SLC4A4: variants seen among roughly 807,000 people sequenced by gnomAD.
SLC4A4 encodes the protein solute carrier family 4 member 4, also known as electrogenic sodium bicarbonate cotransporter 1.
In SLC4A4, 27 loss-of-function variants were observed where a neutral mutation model predicts 111.5. The observed-to-expected ratio is 0.24, with a 90% CI of 0.18 to 0.33. The LOEUF is 0.33. SLC4A4 is among the 10% of genes least tolerant of loss of function. SLC4A4 has a pLI of 1.00. For missense variants in SLC4A4, 909 were observed against 1,315.5 expected (o/e 0.69, Z 4.78); for synonymous variants, 443 against 463.4 (o/e 0.96, Z 0.57).
In SLC4A4 at chr4:71,385,064, A is replaced by T. The variant is rs563440861; in HGVS notation, c.731-12513A>T. 1.5e-3 allele frequency among the ~76,000 whole-genome samples: 224 copies of T among 150,942 alleles called. 1 individual carries two copies. The highest frequency in any genetic ancestry group is 1.9e-3 in the Non-Finnish European group (127 of 67,740). On this transcript the variant is annotated intron_variant, in intron 6 of 25. Transcript: ENST00000264485. ...TTAAAAAGTAGAAAAGAAAAACTAAAAAAAGAATGTTAGCATCCCTACTCT... is the reference window on the plus strand; with the variant it reads ...TTAAAAAGTAGAAAAGAAAAACTAATAAAAGAATGTTAGCATCCCTACTCT...
chr4:71,222,004 C>T (rs1416057208), intron 1 of SLC4A4, among the ~76,000 whole-genome samples: 1 of 152,108 alleles, frequency 6.6e-6, no homozygotes, highest in Non-Finnish European at 1.5e-5. Flanking sequence ...TCAGGAAGCA[C>T]CTTAATGGAA....
At chr4:71,138,941 C>T (rs751236968) in intron 2 of SLC4A4, among the ~76,000 whole-genome samples, 7 of 140,552 alleles carry the variant, frequency 5.0e-5, no homozygotes, top group Non-Finnish European at 1.1e-4. Context: ...GAGGCTGAGG[C>T]GGGAGAACGG....
intron 25 of SLC4A4, 100 bp downstream of exon 25, chr4:71,567,183 G>T: frequency 1.1e-6 from 1 of 932,986 alleles, no homozygotes; most frequent in Non-Finnish European, 1.6e-6. Context: ...GTTCTCCTTC[G>T]TCTCTATTAT....
intron 1 of SLC4A4, among the ~76,000 whole-genome samples, chr4:71,227,133 G>C (rs1719100016): frequency 1.3e-5 from 2 of 152,124 alleles, no homozygotes; most frequent in South Asian, 2.1e-4. Flanking sequence ...TCTGCTCAGG[G>C]AAGGGTATGT....
In SLC4A4 at chr4:71,421,632, C is replaced by T. The variant is rs7665198; in HGVS notation, c.808-18984C>T. On this transcript the variant is annotated intron_variant, in intron 7 of 25. Transcript: ENST00000264485. ...GTTAAAGAACAGAAATTATAACAAA[C>T]GATCTCTCAGACCACAATGCAATCA... Among the ~76,000 whole-genome samples, 798 of 152,272 alleles carry T rather than the reference C, an allele frequency of 5.2e-3. 10 individuals are homozygous for T. Among genetic ancestry groups the T allele is most frequent in the African/African-American group, 0.018 (766 of 41,542 alleles).
chr4:71,424,458 A>G (rs1252349930), intron 7 of SLC4A4, among the ~76,000 whole-genome samples: 2 of 151,942 alleles, frequency 1.3e-5, no homozygotes, highest in Admixed American at 6.6e-5. Context: ...CTAGAACTAG[A>G]AATACCATTT....
At position 71,570,075 on chromosome 4, in the gene SLC4A4, A is replaced by G. The variant is rs942263992; in HGVS notation, c.*2324A>G. 1 of 151,768 alleles carries G rather than the reference A, an allele frequency of 6.6e-6. No homozygotes were observed. The highest frequency in any genetic ancestry group is 1.5e-5 in the Non-Finnish European group (1 of 67,816). The allele number at this position is 151,768 out of a possible 1,614,324, so 9.4% of individuals were successfully genotyped here. On this transcript the variant is annotated 3_prime_UTR_variant, in exon 26 of 26. Coordinates refer to ENST00000264485, the MANE Select transcript of SLC4A4 (RefSeq NM_001098484.3). The stretch of plus-strand genomic sequence containing the variant: ...TCAATAAATTGTTTAAAAACCATGT[A>G]TAGTAAATTCAGCTTAACCCGTGAT...
chr4:71,485,547 T>C (rs1729296052), intron 14 of SLC4A4, among the ~76,000 whole-genome samples: 1 of 148,648 alleles, frequency 6.7e-6, no homozygotes, highest in East Asian at 2.0e-4. Flanking sequence ...CCCTCTGTGA[T>C]CTGTAATGAA....
At chr4:71,377,285 A>G (rs1732500180) in intron 6 of SLC4A4, among the ~76,000 whole-genome samples, 1 of 152,232 alleles carries the variant, frequency 6.6e-6, no homozygotes, top group African/African-American at 2.4e-5. Context: ...TGAATGAATG[A>G]ACAATAGAAC....
chr4:71,450,648 G>A, intron 10 of SLC4A4, 105 bp downstream of exon 10: 1 of 1,111,452 alleles, frequency 9.0e-7, no homozygotes, highest in African/African-American at 1.6e-5. Context: ...AATATTTTCA[G>A]GTTCCTGTTT....
chr4:71,541,635 G>A lies in SLC4A4; in HGVS notation c.2443-4715G>A, dbSNP rs776832070. ...AGCTGCCTGTGGCCTCCCCTATTCA[G>A]CGATATCCAGCTTGGGCTTGATGGG... On this transcript the variant is annotated intron_variant, in intron 18 of 25. Coordinates refer to ENST00000264485, the MANE Select transcript of SLC4A4 (RefSeq NM_001098484.3). Among the ~76,000 whole-genome samples the A allele has an allele frequency of 2.6e-4, 39 of 152,102 alleles. 1 individual carries two copies. The highest frequency in any genetic ancestry group is 5.4e-4 in the Non-Finnish European group (37 of 67,982).
chr4:71,510,771 A>G (rs1223058007), intron 16 of SLC4A4, among the ~76,000 whole-genome samples: 1 of 152,060 alleles, frequency 6.6e-6, no homozygotes, highest in East Asian at 1.9e-4. Flanking sequence ...TTTTCTGGTT[A>G]ATTTGTAGAT....
Position 71,547,137 on chromosome 4 carries a change from G to A in SLC4A4, c.2622-511G>A, listed in dbSNP as rs558001560. Among the ~76,000 whole-genome samples the A allele has an allele frequency of 2.5e-3, 384 of 152,042 alleles. 1 individual carries two copies. The highest frequency in any genetic ancestry group is 8.6e-3 in the African/African-American group (359 of 41,524). ...TTTTTGGGGTGGGGAGGGGGTGTAGGATGGGAATTATATTTGTTGAAAAGT... is the reference window on the plus strand; with the variant it reads ...TTTTTGGGGTGGGGAGGGGGTGTAGAATGGGAATTATATTTGTTGAAAAGT... On this transcript the variant is annotated intron_variant, in intron 19 of 25. Coordinates refer to ENST00000264485, the MANE Select transcript of SLC4A4 (RefSeq NM_001098484.3).
At chr4:71,353,337 T>C (rs1167817678) in intron 5 of SLC4A4, among the ~76,000 whole-genome samples, 1 of 152,192 alleles carries the variant, frequency 6.6e-6, no homozygotes, top group Admixed American at 6.5e-5. Context: ...GAGCCAGTGC[T>C]GTCATTCTGG....
chr4:71,352,428 C>T (rs980665033), intron 5 of SLC4A4, among the ~76,000 whole-genome samples: 9 of 152,128 alleles, frequency 5.9e-5, no homozygotes, highest in Non-Finnish European at 1.3e-4. Flanking sequence ...CTTAGGGTTT[C>T]ATGCCACTGT....
Position 71,158,896 on chromosome 4 carries a change from G to C in SLC4A4, c.-2+66104G>C, listed in dbSNP as rs79706368. Among the ~76,000 whole-genome samples, 1,492 of 152,260 alleles carry C rather than the reference G, an allele frequency of 9.8e-3. 24 individuals carry two copies. The highest frequency in any genetic ancestry group is 0.034 in the African/African-American group (1,428 of 41,528). On this transcript the variant is annotated intron_variant, in intron 2 of 26. Transcript: ENST00000649996. ...GATGTGATTTGGAGAAGAGAGTGCT[G>C]AAGTGGCGTATCCCTTTATTTTCAC...
intron 1 of SLC4A4, among the ~76,000 whole-genome samples, chr4:71,082,421 T>G (rs1490278812): frequency 6.6e-6 from 1 of 151,884 alleles, no homozygotes; most frequent in Non-Finnish European, 1.5e-5. Context: ...TTTGACGTCT[T>G]CCCCCTCCCT....
rs549625826 is a variant in SLC4A4 at position 71,163,885 on chromosome 4, G to T, written c.-2+71093G>T. On this transcript the variant is annotated intron_variant, in intron 2 of 26. Transcript: ENST00000649996. ...AACCTCTGGTTTAAACTAATTTCTT[G>T]TCCTATTTCTTATTAAGTATACACT... is the stretch of plus-strand genomic sequence containing the variant. Among the ~76,000 whole-genome samples the T allele has an allele frequency of 3.3e-5, 5 of 152,284 alleles. No homozygotes were observed. The South Asian group carries it at 1.0e-3, about 32-fold the overall frequency.
At chr4:71,442,161 TA>T (rs1371300249) in intron 8 of SLC4A4, among the ~76,000 whole-genome samples, 1 of 152,220 alleles carries the variant, frequency 6.6e-6, no homozygotes, top group Non-Finnish European at 1.5e-5. Flanking sequence ...AAGGTACAAA[TA>T]AAAAATGCTT....
Sources: allele counts gnomAD v4.1 joint callset (sites outside exome capture counted in the v4.1 genomes callset), GRCh38; gene constraint gnomAD v4.1.1; transcripts MANE v1.5; gene names NCBI Gene and HGNC (gene_info 2026-07-23, HGNC 2026-07-21).